Variants in ADGRL2 observed in about 807,000 individuals in gnomAD.
ADGRL2 encodes calcium-independent alpha-latrotoxin receptor 2.
Under a neutral mutation model 157.4 loss-of-function variants are expected in ADGRL2, and 44 were observed. That is an observed-to-expected ratio of 0.28 (90% CI 0.22 to 0.36). The LOEUF (loss-of-function observed/expected upper bound fraction) is 0.36, where lower values mean the gene tolerates loss of function less well. ADGRL2 is among the 10% of genes least tolerant of loss of function. ADGRL2 has a pLI of 1.00. For synonymous variants in ADGRL2, 585 were observed against 624.7 expected (o/e 0.94, Z 0.95); for missense variants, 1,510 against 1,768.9 (o/e 0.85, Z 2.63).
At chr1:81,648,991 AG>A (rs1199353280) in intron 3 of ADGRL2, among the ~76,000 whole-genome samples, 1 of 152,190 alleles carries the variant, frequency 6.6e-6, no homozygotes. Context: ...ATTCCAGCTC[AG>A]GCATTAAAAC....
At position 81,906,979 on chromosome 1, in the gene ADGRL2, T is replaced by C. The variant is rs752432389; in HGVS notation, c.74-38T>C. ...TTACTAAAATAATTTATCTTATAAA[T>C]GAGTTACAGTTTAATTTTCTTTCTT... is the stretch of plus-strand genomic sequence containing the variant. On this transcript the variant is annotated intron_variant, in intron 2 of 23. Coordinates refer to ENST00000686636, the MANE Select transcript of ADGRL2 (RefSeq NM_001366006.2). The C allele has an allele frequency of 2.7e-5, 40 of 1,467,176 alleles. No individual in the cohort carries two copies. The African/African-American group carries it at 5.5e-4, about 20-fold the overall frequency. 90.9% of individuals were successfully genotyped at this position (1,467,176 alleles called of 1,614,324 possible).
intron 2 of ADGRL2, among the ~76,000 whole-genome samples, chr1:81,541,368 G>A (rs1234159656): frequency 6.6e-6 from 1 of 152,076 alleles, no homozygotes; most frequent in Non-Finnish European, 1.5e-5. Flanking sequence ...TCTTGGATGT[G>A]GAGTAGGTAC....
At chr1:81,938,525 A>C (rs2095342156) in intron 4 of ADGRL2, among the ~76,000 whole-genome samples, 1 of 151,810 alleles carries the variant, frequency 6.6e-6, no homozygotes, top group Non-Finnish European at 1.5e-5. Context: ...TACGTTGTGC[A>C]CTAAACTTGC....
At chr1:81,333,403 A>AT (rs1252056130) in intron 1 of ADGRL2, among the ~76,000 whole-genome samples, 48 of 117,650 alleles carry the variant, frequency 4.1e-4, no homozygotes, top group African/African-American at 9.2e-4. Flanking sequence ...TAATTAATTA[A>AT]TTAATTAATT....
intron 2 of ADGRL2, among the ~76,000 whole-genome samples, chr1:81,873,369 A>T (rs1025564651): frequency 2.0e-5 from 3 of 152,076 alleles, no homozygotes; most frequent in Admixed American, 6.6e-5. Context: ...GATAATCTGA[A>T]TATAGTTTAG....
chr1:81,904,052 A>G (rs2094541186), intron 2 of ADGRL2, among the ~76,000 whole-genome samples: 1 of 152,024 alleles, frequency 6.6e-6, no homozygotes, highest in Non-Finnish European at 1.5e-5. Flanking sequence ...ACCAAAGGAA[A>G]TAGACATTAC....
At chr1:81,913,696 A>G (rs914573629) in intron 3 of ADGRL2, among the ~76,000 whole-genome samples, 1 of 152,136 alleles carries the variant, frequency 6.6e-6, no homozygotes, top group Non-Finnish European at 1.5e-5. Flanking sequence ...ACATAGCTAC[A>G]TGTATATTCT....
intron 1 of ADGRL2, among the ~76,000 whole-genome samples, chr1:81,356,822 G>A (rs531752063): frequency 6.6e-5 from 10 of 151,810 alleles, no homozygotes; most frequent in South Asian, 2.1e-4. Context: ...GCGTGGTGGT[G>A]GGAGCCTGTA....
chr1:81,571,657 A>G (rs1042509932), intron 2 of ADGRL2, among the ~76,000 whole-genome samples: 1 of 152,086 alleles, frequency 6.6e-6, no homozygotes, highest in Non-Finnish European at 1.5e-5. Flanking sequence ...AACAGAGCGT[A>G]ATAGATAAGA....
intron 11 of ADGRL2, among the ~76,000 whole-genome samples, chr1:81,963,426 C>G (rs904439661): frequency 6.6e-6 from 1 of 151,850 alleles, no homozygotes; most frequent in Non-Finnish European, 1.5e-5. Context: ...TAGTACAATG[C>G]TAAATAAAAC....
At chr1:81,404,906 T>C (rs2076825913) in intron 1 of ADGRL2, among the ~76,000 whole-genome samples, 1 of 152,234 alleles carries the variant, frequency 6.6e-6, no homozygotes. Flanking sequence ...TGATTATTAA[T>C]ATTTATAGAT....
At chr1:81,509,618 T>G (rs1003887830) in intron 2 of ADGRL2, among the ~76,000 whole-genome samples, 1 of 152,144 alleles carries the variant, frequency 6.6e-6, no homozygotes, top group Non-Finnish European at 1.5e-5. Flanking sequence ...TAGAAACTGT[T>G]AAAAACATGA....
rs369191843 is a variant in ADGRL2, at chr1:81,514,861, G to C, written c.-247-66015G>C. On this transcript the variant is annotated intron_variant, in intron 2 of 24. Transcript: ENST00000370721. ...ATCTCTGCAGTGTTGTGTACTTGCA[G>C]ATAGGCATATGCCTGATGACATGGA... 3.2e-4 allele frequency: 48 copies of C among 152,318 alleles called. No individual in the cohort carries two copies. The East Asian group carries it at 8.9e-3, about 28-fold the overall frequency. 9.4% of individuals were successfully genotyped at this position (152,318 alleles called of 1,614,324 possible). A position where few individuals can be genotyped will look rare whatever the true frequency, so the allele number is the denominator to read the frequency against.
intron 2 of ADGRL2, among the ~76,000 whole-genome samples, chr1:81,462,457 C>T (rs1054844337): frequency 2.0e-5 from 3 of 152,078 alleles, no homozygotes; most frequent in Non-Finnish European, 4.4e-5. Flanking sequence ...AGACCAAGAA[C>T]CCACCAGAAG....
intron 1 of ADGRL2, among the ~76,000 whole-genome samples, chr1:81,757,731 T>G (rs1368425402): frequency 6.6e-6 from 1 of 152,204 alleles, no homozygotes; most frequent in Admixed American, 6.5e-5. Flanking sequence ...AAGTTTTTAT[T>G]TTATCAAAAG....
intron 1 of ADGRL2, among the ~76,000 whole-genome samples, chr1:81,757,105 G>A (rs2085718695): frequency 6.6e-6 from 1 of 152,116 alleles, no homozygotes; most frequent in Admixed American, 6.6e-5. Flanking sequence ...CAACCAAATG[G>A]AATTGGCTAG....
At chr1:81,307,197 T>C (rs1271638357) in intron 1 of ADGRL2, among the ~76,000 whole-genome samples, 1 of 152,210 alleles carries the variant, frequency 6.6e-6, no homozygotes, top group Admixed American at 6.5e-5. Flanking sequence ...AACCTGAATG[T>C]TTGTATAACA....
At chr1:81,491,167 AATAT>A (rs2078624198) in intron 2 of ADGRL2, among the ~76,000 whole-genome samples, 1 of 145,410 alleles carries the variant, frequency 6.9e-6, no homozygotes, top group Non-Finnish European at 1.5e-5. Flanking sequence ...GTAGTGGACA[AATAT>A]ATAATGTTAT....
intron 1 of ADGRL2, among the ~76,000 whole-genome samples, chr1:81,356,971 A>AAAAAAAAAGAGG (rs80327519): frequency 1.0e-5 from 1 of 99,310 alleles, no homozygotes; most frequent in Non-Finnish European, 2.0e-5. Context: ...AAAAAAAAAA[A>AAAAAAAAAGAGG]AAGAAGTTGT....
Sources: allele counts gnomAD v4.1 joint callset (sites outside exome capture counted in the v4.1 genomes callset), GRCh38; gene constraint gnomAD v4.1.1; transcripts MANE v1.5; gene names NCBI Gene and HGNC (gene_info 2026-07-23, HGNC 2026-07-21).